The following NELL2 variants were observed in gnomAD, a reference collection of about 807,000 sequenced individuals.
The protein encoded by NELL2 is neural EGFL like 2, also known as protein kinase C-binding protein NELL2.
In NELL2, 41 loss-of-function variants were observed where a neutral mutation model predicts 109.6. The ratio of observed to expected loss-of-function variants is 0.37; its 90% CI spans 0.29 to 0.49. The LOEUF is 0.49. NELL2 is among the 20% of genes least tolerant of loss of function. The pLI is 0.98. For missense variants in NELL2, 900 were observed against 1,008.3 expected (o/e 0.89, Z 1.45); for synonymous variants, 355 against 344.7 (o/e 1.03, Z -0.33).
chr12:44,820,482 G>T (rs563654856), intron 2 of NELL2, among the ~76,000 whole-genome samples: 1 of 152,010 alleles, frequency 6.6e-6, no homozygotes, highest in Admixed American at 6.5e-5. Flanking sequence ...GGTGATGGGC[G>T]CCTGTAGCCC....
intron 3 of NELL2, among the ~76,000 whole-genome samples, chr12:44,788,934 C>T (rs2136622861): frequency 6.6e-6 from 1 of 152,144 alleles, no homozygotes. Flanking sequence ...CAGAGGCAGC[C>T]ATAATCCTCC....
chr12:44,915,829 C>T (rs1466420648), upstream of NELL2, among the ~76,000 whole-genome samples: 3 of 152,090 alleles, frequency 2.0e-5, no homozygotes, highest in Non-Finnish European at 4.4e-5. Context: ...ACCACTATTG[C>T]TCAGTAATTT....
At chr12:44,720,205 T>A (rs1592395242) in intron 9 of NELL2, among the ~76,000 whole-genome samples, 3 of 152,208 alleles carry the variant, frequency 2.0e-5, no homozygotes, top group Admixed American at 2.0e-4. Flanking sequence ...CACTTTTTCA[T>A]CTTTCTTATC....
At chr12:44,804,518 G>C (rs967976988) in intron 3 of NELL2, among the ~76,000 whole-genome samples, 2 of 151,762 alleles carry the variant, frequency 1.3e-5, no homozygotes, top group Non-Finnish European at 2.9e-5. Flanking sequence ...ACACTTAATC[G>C]TAACTAAAGG....
At chr12:44,584,930 C>A (rs982506758) in intron 15 of NELL2, among the ~76,000 whole-genome samples, 2 of 152,212 alleles carry the variant, frequency 1.3e-5, no homozygotes, top group Non-Finnish European at 2.9e-5. Flanking sequence ...GTTCCATGAT[C>A]ATCACATTGT....
At chr12:44,856,617 T>C (rs1460968568) in intron 2 of NELL2, among the ~76,000 whole-genome samples, 1 of 152,156 alleles carries the variant, frequency 6.6e-6, no homozygotes, top group Non-Finnish European at 1.5e-5. Context: ...GCAAAAGCCC[T>C]GCAGCAGGAG....
At chr12:44,845,292 C>T (rs530812239) in intron 2 of NELL2, among the ~76,000 whole-genome samples, 1 of 152,234 alleles carries the variant, frequency 6.6e-6, no homozygotes, top group South Asian at 2.1e-4. Context: ...CTTTGCTAAT[C>T]AAGTATTATA....
At chr12:44,747,173 A>C (rs974223851) in intron 9 of NELL2, among the ~76,000 whole-genome samples, 2 of 152,192 alleles carry the variant, frequency 1.3e-5, no homozygotes, top group Non-Finnish European at 2.9e-5. Context: ...ACTGGAAACC[A>C]TCATTCTCAG....
intron 9 of NELL2, among the ~76,000 whole-genome samples, chr12:44,752,946 A>C (rs1175819959): frequency 6.6e-6 from 1 of 152,138 alleles, no homozygotes. Flanking sequence ...GGTCCCCAGA[A>C]GGTCTTGCAC....
At chr12:44,783,326 A>G (rs1942034639) in intron 3 of NELL2, among the ~76,000 whole-genome samples, 1 of 151,846 alleles carries the variant, frequency 6.6e-6, no homozygotes, top group Non-Finnish European at 1.5e-5. Context: ...AAGAGCAAAG[A>G]AAAGGAAGGG....
intron 13 of NELL2, among the ~76,000 whole-genome samples, chr12:44,619,932 A>G (rs978110778): frequency 6.6e-6 from 1 of 152,132 alleles, no homozygotes; most frequent in Non-Finnish European, 1.5e-5. Flanking sequence ...AAAATGATGG[A>G]GAAAGAAGGG....
At chr12:44,686,966 T>C (rs1157079999) in intron 12 of NELL2, among the ~76,000 whole-genome samples, 2 of 152,170 alleles carry the variant, frequency 1.3e-5, no homozygotes, top group African/African-American at 4.8e-5. Flanking sequence ...CCCTGCTGCT[T>C]TGTTTACCTA....
chr12:44,719,096 T>C (rs1348183233), intron 9 of NELL2, among the ~76,000 whole-genome samples: 4 of 152,158 alleles, frequency 2.6e-5, no homozygotes, highest in Non-Finnish European at 5.9e-5. Context: ...AATCAATTAA[T>C]AAAAATTATT....
chr12:44,523,040 A>G (rs1385492309), intron 17 of NELL2: 1 of 506,404 alleles, frequency 2.0e-6, no homozygotes, highest in African/African-American at 1.9e-5. Flanking sequence ...CTCCATTTAT[A>G]TGAGGCTCTA....
chr12:44,536,094 A>C (rs1447227597), intron 15 of NELL2, among the ~76,000 whole-genome samples: 1 of 151,910 alleles, frequency 6.6e-6, no homozygotes, highest in Non-Finnish European at 1.5e-5. Flanking sequence ...GACAATGAAA[A>C]TGTGCTTGAA....
At chr12:44,660,444 A>T (rs1244233595) in intron 13 of NELL2, among the ~76,000 whole-genome samples, 1 of 152,162 alleles carries the variant, frequency 6.6e-6, no homozygotes, top group Non-Finnish European at 1.5e-5. Context: ...TTAAGCAGAT[A>T]GCTAGCCTAA....
chr12:44,649,083 T>G (rs1345142280), intron 13 of NELL2, among the ~76,000 whole-genome samples: 1 of 151,970 alleles, frequency 6.6e-6, no homozygotes, highest in Non-Finnish European at 1.5e-5. Flanking sequence ...CATCTTACAT[T>G]TTCATAATGC....
intron 12 of NELL2, among the ~76,000 whole-genome samples, chr12:44,679,145 C>T (rs112997133): frequency 5.3e-5 from 8 of 152,088 alleles, no homozygotes; most frequent in South Asian, 4.2e-4. Flanking sequence ...AGTATTCACA[C>T]GTACCTATTA....
At chr12:44,786,550 C>A (rs1460780157) in intron 3 of NELL2, among the ~76,000 whole-genome samples, 1 of 152,154 alleles carries the variant, frequency 6.6e-6, no homozygotes, top group Non-Finnish European at 1.5e-5. Context: ...GATTATAAAG[C>A]ATTCTACTAT....
Sources: gnomAD v4.1 joint callset for allele counts (sites outside exome capture counted in the v4.1 genomes callset) on GRCh38, gnomAD v4.1.1 for gene constraint, MANE v1.5 for transcripts, NCBI Gene and HGNC (gene_info 2026-07-23, HGNC 2026-07-21) for gene names.